The following STK39 variants were observed in gnomAD, a reference collection of about 807,000 sequenced individuals.
STK39 encodes serine/threonine kinase 39, also known as STE20/SPS1-related proline-alanine-rich protein kinase.
A neutral mutation model predicts 77.8 loss-of-function variants in STK39; 20 were observed. That is an observed-to-expected ratio of 0.26 (90% CI 0.18 to 0.37). The LOEUF (loss-of-function observed/expected upper bound fraction) is 0.37. Ranked by LOEUF, STK39 falls within the 10% of genes least tolerant of loss-of-function variation. The probability of loss-of-function intolerance (pLI) is 1.00; values close to 1 mark genes in which losing one functional copy is unlikely to be tolerated. For synonymous variants in STK39, 246 were observed against 234.1 expected (o/e 1.05, Z -0.47); for missense variants, 479 against 656.5 (o/e 0.73, Z 2.95).
intron 5 of STK39, among the ~76,000 whole-genome samples, chr2:168,158,504 G>A (rs547801689): frequency 4.6e-5 from 7 of 152,170 alleles, no homozygotes; most frequent in Non-Finnish European, 8.8e-5. Context: ...AAGGGGAATC[G>A]ATTTATGCAG....
chr2:168,175,113 C>T (rs1321957974), intron 2 of STK39, among the ~76,000 whole-genome samples: 1 of 152,114 alleles, frequency 6.6e-6, no homozygotes, highest in Non-Finnish European at 1.5e-5. Flanking sequence ...CCTGAGGATT[C>T]CACAGCCCTC....
chr2:167,968,946 G>A (rs540225788), intron 16 of STK39, among the ~76,000 whole-genome samples: 4 of 152,304 alleles, frequency 2.6e-5, no homozygotes, highest in African/African-American at 9.6e-5. Flanking sequence ...TTCATGGGAT[G>A]CACTGTAGCA....
Position 167,955,552 on chromosome 2 carries a change from A to G in STK39, c.1582T>C (p.Ser528Pro), listed in dbSNP as rs1691739918. ...AGCTTCACTTCATCAGGAATCTCCGACCCATCACAGCCAGAAGCCTGAAAA... is the reference window on the plus strand; with the variant it reads ...AGCTTCACTTCATCAGGAATCTCCGGCCCATCACAGCCAGAAGCCTGAAAA... ...TFKLASGCDG[S>P]EIPDEVKLIG... The change falls in exon 18 of 18, where the codon TCG (serine) becomes CCG (proline). Residue 528 changes from serine (S) to proline (P), a missense_variant. Coordinates refer to ENST00000355999, the MANE Select transcript of STK39 (RefSeq NM_013233.3). The G allele has an allele frequency of 1.5e-5, 24 of 1,613,790 alleles. No homozygotes were observed. Among genetic ancestry groups the G allele is most frequent in the Non-Finnish European group, 1.9e-5 (23 of 1,179,860 alleles).
At chr2:168,044,829 T>C (rs114597038) in intron 14 of STK39, among the ~76,000 whole-genome samples, 1,538 of 152,216 alleles carry the variant, frequency 0.01, 33 homozygotes, top group African/African-American at 0.035. Context: ...ACCAAGAATG[T>C]AAACCAACCA....
intron 12 of STK39, among the ~76,000 whole-genome samples, chr2:168,068,502 A>G (rs1685853451): frequency 6.6e-6 from 1 of 152,224 alleles, no homozygotes; most frequent in Non-Finnish European, 1.5e-5. Context: ...GTTGACAGTC[A>G]CATGGCAGCG....
chr2:168,103,411 G>A (rs957964861), intron 10 of STK39, among the ~76,000 whole-genome samples: 3 of 152,124 alleles, frequency 2.0e-5, no homozygotes, highest in African/African-American at 4.8e-5. Context: ...CCACAGCTGC[G>A]GACCCTTTCA....
At chr2:168,174,845 A>C (rs916749234) in intron 2 of STK39, among the ~76,000 whole-genome samples, 13 of 151,596 alleles carry the variant, frequency 8.6e-5, no homozygotes, top group Non-Finnish European at 1.0e-4. Context: ...AAAAAAAAAA[A>C]AAAAAAACAC....
rs1444086971 is a variant in STK39 at position 168,247,590 on chromosome 2, G to C, written c.-155C>G. 36 of 354,130 alleles carry C rather than the reference G, an allele frequency of 1.0e-4. No homozygotes were observed. The highest frequency in any genetic ancestry group is 1.4e-4 in the Non-Finnish European group (34 of 241,960). 21.9% of individuals were successfully genotyped at this position (354,130 alleles called of 1,614,324 possible). A position where few individuals can be genotyped will look rare whatever the true frequency, so the allele number is the denominator to read the frequency against. ...CCCGCCGAAGCCAGCTAGGAGGGGAGGGAGCAAGGGAGGCCGAGCTGGGCG... is the reference window on the plus strand; with the variant it reads ...CCCGCCGAAGCCAGCTAGGAGGGGACGGAGCAAGGGAGGCCGAGCTGGGCG... On this transcript the variant is annotated 5_prime_UTR_variant, in exon 1 of 18. Coordinates refer to ENST00000355999, the MANE Select transcript of STK39 (RefSeq NM_013233.3).
At chr2:168,240,649 G>C (rs1574586637) in intron 1 of STK39, among the ~76,000 whole-genome samples, 1 of 152,352 alleles carries the variant, frequency 6.6e-6, no homozygotes, top group Non-Finnish European at 1.5e-5. Context: ...AACAAGATTA[G>C]GACTGAGGCC....
intron 16 of STK39, among the ~76,000 whole-genome samples, chr2:167,972,801 A>C (rs921314192): frequency 6.6e-6 from 1 of 152,126 alleles, no homozygotes; most frequent in Non-Finnish European, 1.5e-5. Context: ...TTGGAAAAAA[A>C]ATCTGTTTTC....
chr2:168,237,613 CG>C (rs1690654189), intron 1 of STK39, among the ~76,000 whole-genome samples: 1 of 152,102 alleles, frequency 6.6e-6, no homozygotes, highest in Admixed American at 6.6e-5. Flanking sequence ...TTTTGAGATA[CG>C]TCCCATCAAT....
At chr2:167,993,216 C>G (rs1683746814) in intron 16 of STK39, among the ~76,000 whole-genome samples, 1 of 152,236 alleles carries the variant, frequency 6.6e-6, no homozygotes, top group South Asian at 2.1e-4. Context: ...TGCATTACAG[C>G]TGAAGCCCCA....
chr2:167,992,226 G>A (rs566892574), intron 16 of STK39, among the ~76,000 whole-genome samples: 7 of 152,258 alleles, frequency 4.6e-5, no homozygotes, highest in African/African-American at 1.7e-4. Flanking sequence ...ATTTTTCCAA[G>A]ACAAGCCAGA....
chr2:167,997,554 C>T (rs960069004), intron 16 of STK39, among the ~76,000 whole-genome samples: 1 of 152,140 alleles, frequency 6.6e-6, no homozygotes, highest in African/African-American at 2.4e-5. Context: ...GAACTAACTT[C>T]CCCAAGTCAC....
At chr2:167,981,687 A>G (rs1184427458) in intron 16 of STK39, among the ~76,000 whole-genome samples, 1 of 152,250 alleles carries the variant, frequency 6.6e-6, no homozygotes, top group African/African-American at 2.4e-5. Context: ...CAAGAAAACA[A>G]GCTGGGATGG....
intron 10 of STK39, among the ~76,000 whole-genome samples, chr2:168,108,234 C>T (rs1005042334): frequency 6.6e-6 from 1 of 152,156 alleles, no homozygotes; most frequent in Admixed American, 6.5e-5. Flanking sequence ...GAAAAACTGC[C>T]TTTCTCCAGT....
chr2:168,035,177 G>C (rs1041807258), intron 14 of STK39, among the ~76,000 whole-genome samples: 6 of 152,112 alleles, frequency 3.9e-5, no homozygotes, highest in African/African-American at 1.4e-4. Flanking sequence ...TGCCTTTGAG[G>C]GGTTTTAAAA....
chr2:168,051,700 G>A (rs1179735367), intron 14 of STK39, among the ~76,000 whole-genome samples: 1 of 152,136 alleles, frequency 6.6e-6, no homozygotes, highest in East Asian at 1.9e-4. Flanking sequence ...CGATCCTCCT[G>A]CCTTGGTCTC....
At chr2:168,089,179 C>T (rs1431849763) in intron 10 of STK39, among the ~76,000 whole-genome samples, 5 of 152,166 alleles carry the variant, frequency 3.3e-5, no homozygotes, top group Non-Finnish European at 5.9e-5. Context: ...TCCAAATTCA[C>T]TAATCAGGTA....
Sources: gnomAD v4.1 joint callset for allele counts (sites outside exome capture counted in the v4.1 genomes callset) on GRCh38, gnomAD v4.1.1 for gene constraint, MANE v1.5 for transcripts, NCBI Gene and HGNC (gene_info 2026-07-23, HGNC 2026-07-21) for gene names.